MAP3K3: variants seen among roughly 807,000 people sequenced by gnomAD.
The protein encoded by MAP3K3 is MAP/ERK kinase kinase 3.
A neutral mutation model predicts 80.9 loss-of-function variants in MAP3K3; 12 were observed. The ratio of observed to expected loss-of-function variants is 0.15; its 90% CI spans 0.10 to 0.24. The LOEUF is 0.24. MAP3K3 is among the 10% of genes least tolerant of loss of function. The pLI, the probability that MAP3K3 is intolerant of heterozygous loss-of-function variation, is 1.00. For synonymous variants in MAP3K3, 272 were observed against 307.1 expected (o/e 0.89, Z 1.19); for missense variants, 596 against 834.7 (o/e 0.71, Z 3.52).
chr17:63,641,526 A>G (rs2034443269), intron 2 of MAP3K3, among the ~76,000 whole-genome samples: 1 of 152,052 alleles, frequency 6.6e-6, no homozygotes, highest in Non-Finnish European at 1.5e-5. Flanking sequence ...CAAGGCCACC[A>G]CGCCCAGCCT....
At chr17:63,686,607 C>T (rs1342662916) in intron 8 of MAP3K3, among the ~76,000 whole-genome samples, 1 of 152,190 alleles carries the variant, frequency 6.6e-6, no homozygotes, top group Non-Finnish European at 1.5e-5. Flanking sequence ...AATGAGGGGG[C>T]AGCCCCCTTG....
At position 63,695,030 on chromosome 17, in the gene MAP3K3, G is replaced by A. The variant is rs1333147234; in HGVS notation, c.*1253G>A. On this transcript the variant is annotated 3_prime_UTR_variant, in exon 16 of 16. Coordinates refer to ENST00000361733, the MANE Select transcript of MAP3K3 (RefSeq NM_002401.5). This position sits in a 1 kb window ranked among gnomAD's most constrained non-coding sequence, Gnocchi z 4.1. The stretch of plus-strand genomic sequence containing the variant: ...TTCCGGCCCCTCCCCTCCAAAATGT[G>A]CCTATTGCTAGAGCTCCTCCCTCTC... 3 of 150,924 alleles carry A rather than the reference G, an allele frequency of 2.0e-5. No individual in the cohort carries two copies. The highest frequency in any genetic ancestry group is 7.4e-5 in the African/African-American group (3 of 40,698). The allele number at this position is 150,924 out of a possible 1,614,324, so 9.3% of individuals were successfully genotyped here. A position where few individuals can be genotyped will look rare whatever the true frequency, so the allele number is the denominator to read the frequency against.
chr17:63,683,566 A>G (rs1373964402), intron 7 of MAP3K3, among the ~76,000 whole-genome samples: 1 of 152,206 alleles, frequency 6.6e-6, no homozygotes, highest in Non-Finnish European at 1.5e-5. Flanking sequence ...ACTTTTAGAA[A>G]GAGGCCAAGG....
In MAP3K3 at chr17:63,691,619, C is replaced by A. The variant is rs2035592301; in HGVS notation, c.1345-114C>A. 3 of 1,445,094 alleles carry A rather than the reference C, an allele frequency of 2.1e-6. No homozygotes were observed. The highest frequency in any genetic ancestry group is 2.8e-5 in the African/African-American group (2 of 70,714). 89.5% of individuals were successfully genotyped at this position (1,445,094 alleles called of 1,614,324 possible). On this transcript the variant is annotated intron_variant, in intron 13 of 15. Transcript: ENST00000361733. The surrounding 1 kb of genome is among the most constrained non-coding windows in gnomAD (Gnocchi z 4.8). ...GCTCCTGGCAAAATGCCCTGCCCAGCCAGATAGGAATTGAACAAATCACTC... is the reference window on the plus strand; with the variant it reads ...GCTCCTGGCAAAATGCCCTGCCCAGACAGATAGGAATTGAACAAATCACTC...
intron 1 of MAP3K3, among the ~76,000 whole-genome samples, chr17:63,631,347 C>G (rs186978994): frequency 6.6e-6 from 1 of 152,212 alleles, no homozygotes; most frequent in East Asian, 1.9e-4. Context: ...GTTTTACTTC[C>G]TACATTTCAT....
rs1338102726 is a variant in MAP3K3 at position 63,691,240 on chromosome 17, G to C, written c.1344+7G>C. 6.2e-7 allele frequency: 1 copy of C among 1,613,922 alleles called. No individual in the cohort carries two copies. The highest frequency in any genetic ancestry group is 8.5e-7 in the Non-Finnish European group (1 of 1,180,028). ...CATGGAGTACATGCCAGGGGTACGTGCCCCTTGAATGCATGTGAGACACAC... is the reference window on the plus strand; with the variant it reads ...CATGGAGTACATGCCAGGGGTACGTCCCCCTTGAATGCATGTGAGACACAC... On this transcript the variant is annotated splice_region_variant and intron_variant, in intron 13 of 15. Coordinates refer to ENST00000361733, the MANE Select transcript of MAP3K3 (RefSeq NM_002401.5). The surrounding 1 kb of genome is among the most constrained non-coding windows in gnomAD (Gnocchi z 4.8).
At position 63,681,777 on chromosome 17, in the gene MAP3K3, C is replaced by A; in HGVS notation, c.514C>A (p.Pro172Thr). The A allele has an allele frequency of 6.6e-7, 1 of 1,511,298 alleles. No individual in the cohort carries two copies. Among genetic ancestry groups the A allele is most frequent in the Non-Finnish European group, 8.9e-7 (1 of 1,124,108 alleles). The allele number at this position is 1,511,298 out of a possible 1,614,324, so 93.6% of individuals were successfully genotyped here. The change falls in exon 7 of 16, where the codon CCT (proline) becomes ACT (threonine). Residue 172 changes from proline (P) to threonine (T), a missense_variant. Physicochemically the swap from Pro to Thr is conservative, Grantham distance 38. Transcript: ENST00000361733. ...SRHLSVSSQN[P>T]GRSSPPPGYV... is the part of the protein sequence containing the mutation. ...TTTATGTGCTCTAGGCTCCCAGAAC[C>A]CTGGCCGAAGCTCACCTCCCCCTGG...
At chr17:63,641,800 A>T (rs1355647187) in intron 2 of MAP3K3, among the ~76,000 whole-genome samples, 4 of 152,100 alleles carry the variant, frequency 2.6e-5, no homozygotes, top group Non-Finnish European at 4.4e-5. Context: ...AGAAAGCCAG[A>T]AGTCAGAAGT....
chr17:63,641,770 G>T (rs2034448259), intron 2 of MAP3K3, among the ~76,000 whole-genome samples: 1 of 152,148 alleles, frequency 6.6e-6, no homozygotes, highest in Non-Finnish European at 1.5e-5. Flanking sequence ...GGCCCACTGA[G>T]AAGTTGTATG....
chr17:63,643,811 A>C (rs1568128359), intron 2 of MAP3K3, among the ~76,000 whole-genome samples: 1 of 152,028 alleles, frequency 6.6e-6, no homozygotes, highest in Non-Finnish European at 1.5e-5. Context: ...GAGCATGGCA[A>C]CTCTGCTTTA....
chr17:63,631,023 A>G (rs781252416), intron 1 of MAP3K3, among the ~76,000 whole-genome samples: 14 of 152,148 alleles, frequency 9.2e-5, no homozygotes, highest in Non-Finnish European at 2.1e-4. Flanking sequence ...ACGGTGGCTT[A>G]TGTCTGTAAT....
chr17:63,689,748 C>A lies in MAP3K3; in HGVS notation c.1063+13C>A. The A allele has an allele frequency of 6.2e-7, 1 of 1,602,192 alleles. No individual in the cohort carries two copies. ...GTGCCAACCAAGTGTGAGGAGCTGT[C>A]CCTGGCTAGGAGGAGACTGCCCAGG... On this transcript the variant is annotated intron_variant, in intron 11 of 15. Coordinates refer to ENST00000361733, the MANE Select transcript of MAP3K3 (RefSeq NM_002401.5). The surrounding 1 kb of genome is among the most constrained non-coding windows in gnomAD (Gnocchi z 4.3).
intron 2 of MAP3K3, among the ~76,000 whole-genome samples, chr17:63,641,528 G>A (rs986516421): frequency 3.9e-5 from 6 of 152,024 alleles, no homozygotes; most frequent in Non-Finnish European, 5.9e-5. Flanking sequence ...AGGCCACCAC[G>A]CCCAGCCTAG....
chr17:63,662,255 A>C (rs1366032165), intron 5 of MAP3K3, among the ~76,000 whole-genome samples: 12 of 151,224 alleles, frequency 7.9e-5, no homozygotes, highest in East Asian at 1.9e-4. Flanking sequence ...AAAAAAAAAA[A>C]AAAAAAACGA....
chr17:63,634,884 G>A (rs2034291303), intron 2 of MAP3K3: 1 of 1,232,760 alleles, frequency 8.1e-7, no homozygotes, highest in Admixed American at 1.9e-5. Flanking sequence ...TCACTTCCCA[G>A]ACAAGTTGTT....
intron 2 of MAP3K3, among the ~76,000 whole-genome samples, chr17:63,642,830 C>T (rs943221010): frequency 6.6e-6 from 1 of 151,892 alleles, no homozygotes; most frequent in Non-Finnish European, 1.5e-5. Flanking sequence ...GATCATGGCT[C>T]ACTGCAACCT....
chr17:63,665,104 A>T (rs573756497), intron 5 of MAP3K3, among the ~76,000 whole-genome samples: 118 of 152,160 alleles, frequency 7.8e-4, no homozygotes, highest in Admixed American at 2.5e-3. Context: ...GGAGTTCAAG[A>T]CCAGCCTGAC....
At position 63,632,794 on chromosome 17, in the gene MAP3K3, A is replaced by C. The variant is rs2034244522; in HGVS notation, c.118A>C (p.Asn40His). ...TMKNKDTGHS[N>H]RQSDVRIKFE... ...GAAGAACAAAGACACAGGTCACTCA[A>C]ATAGGCAGGTGTGTGTGACCCTGGC... Residue 40 changes from asparagine (N) to histidine (H), a missense_variant, in exon 2 of 16, where the codon AAT (asparagine) becomes CAT (histidine). This residue lies in a region of MAP3K3 where 232 missense variants were observed against 245.8 expected (regional missense o/e 0.94). Coordinates refer to ENST00000361733, the MANE Select transcript of MAP3K3 (RefSeq NM_002401.5). The C allele has an allele frequency of 1.2e-6, 2 of 1,613,898 alleles. No homozygotes were observed. Among genetic ancestry groups the C allele is most frequent in the Admixed American group, 3.3e-5 (2 of 59,984 alleles).
chr17:63,685,583 G>C lies in MAP3K3; in HGVS notation c.703G>C (p.Ala235Pro). 1 of 1,614,070 alleles carries C rather than the reference G, an allele frequency of 6.2e-7. No individual in the cohort carries two copies. Among genetic ancestry groups the C allele is most frequent in the South Asian group, 1.1e-5 (1 of 91,080 alleles). Residue 235 changes from alanine to proline, a missense_variant, in exon 8 of 16, where the codon GCA becomes CCA. Physicochemically the swap from Ala to Pro is conservative, Grantham distance 27. Around this residue, in one of 2 missense-constraint regions of MAP3K3, gnomAD observed 364 missense variants for 588.9 expected, o/e 0.62. Transcript: ENST00000361733. ...SGSCQSLDRSADSPSFRKSRM... is the reference protein window; with the variant it reads ...SGSCQSLDRSPDSPSFRKSRM... ...AAGCTGCCAATCCTTGGACAGGTCA[G>C]CAGACAGGTATGGGACTGTGGGTGG...
Sources: allele counts gnomAD v4.1 joint callset (sites outside exome capture counted in the v4.1 genomes callset), GRCh38; gene constraint gnomAD v4.1.1; regional missense constraint gnomAD v4.1.1; non-coding constraint Gnocchi (gnomAD v3.1); transcripts MANE v1.5; gene names NCBI Gene and HGNC (gene_info 2026-07-23, HGNC 2026-07-21).